GRIA3: variants seen among roughly 807,000 people sequenced by gnomAD.
GRIA3 encodes the protein glutamate receptor 3.
In GRIA3, 3 loss-of-function variants were observed where a neutral mutation model predicts 63.0. The ratio of observed to expected loss-of-function variants is 0.05; its 90% CI spans 0.02 to 0.12. The LOEUF (loss-of-function observed/expected upper bound fraction) is 0.12, where lower values mean the gene tolerates loss of function less well. GRIA3 is among the 10% of genes least tolerant of loss of function. The pLI, the probability that GRIA3 is intolerant of heterozygous loss-of-function variation, is 1.00. For synonymous variants in GRIA3, 274 were observed against 257.9 expected (o/e 1.06, Z -0.60); for missense variants, 347 against 700.9 (o/e 0.50, Z 5.70).
intron 5 of GRIA3, among the ~76,000 whole-genome samples, chrX:123,378,472 A>G (rs1185011920): frequency 9.5e-6 from 1 of 104,769 alleles, no homozygotes; most frequent in Non-Finnish European, 2.0e-5. Context: ...GTGCAGTGGC[A>G]TGATCTCAGC....
intron 12 of GRIA3, among the ~76,000 whole-genome samples, chrX:123,440,665 T>C (rs1258789476): frequency 8.9e-6 from 1 of 112,990 alleles, no homozygotes; most frequent in Non-Finnish European, 1.9e-5. Context: ...ATAAATTTGT[T>C]TAACTGCCTT....
chrX:123,191,373 A>C (rs1437769739), intron 2 of GRIA3, among the ~76,000 whole-genome samples: 2 of 111,769 alleles, frequency 1.8e-5, no homozygotes, highest in African/African-American at 6.5e-5. Context: ...CAGACACAAA[A>C]GGAATTCCCT....
chrX:123,327,080 C>T (rs1370311806), intron 4 of GRIA3, among the ~76,000 whole-genome samples: 1 of 110,579 alleles, frequency 9.0e-6, no homozygotes, highest in Non-Finnish European at 1.9e-5. Flanking sequence ...GCACGAGAAT[C>T]GCTTGAACCC....
At chrX:123,402,666 C>T (rs2045449473) in intron 7 of GRIA3, among the ~76,000 whole-genome samples, 1 of 111,057 alleles carries the variant, frequency 9.0e-6, no homozygotes, top group African/African-American at 3.3e-5. Flanking sequence ...ATACATTACC[C>T]TAGTTAAGGG....
intron 1 of GRIA3, 138 bp from the exon 2 acceptor site, chrX:123,185,694 C>A: frequency 1.9e-6 from 1 of 537,892 alleles, no homozygotes; most frequent in Non-Finnish European, 3.2e-6. Context: ...TCTTGAAAGA[C>A]ACACAGGTTG....
At chrX:123,314,141 T>G (rs913028465) in intron 3 of GRIA3, among the ~76,000 whole-genome samples, 1 of 112,184 alleles carries the variant, frequency 8.9e-6, no homozygotes, top group African/African-American at 3.2e-5. Context: ...CTAACATCCA[T>G]GTCACTCACT....
At chrX:123,402,071 A>G (rs186655151) in intron 7 of GRIA3, among the ~76,000 whole-genome samples, 76 of 111,394 alleles carry the variant, frequency 6.8e-4, no homozygotes, top group South Asian at 1.5e-3. Context: ...TGGCATCCCA[A>G]ACAAGTGTTC....
chrX:123,290,448 A>T (rs192470275), intron 3 of GRIA3, among the ~76,000 whole-genome samples: 2 of 111,191 alleles, frequency 1.8e-5, no homozygotes, highest in African/African-American at 6.5e-5. Context: ...AACACTATGG[A>T]GATATAGGTT....
At chrX:123,448,473 GA>G (rs2045714269) in intron 12 of GRIA3, among the ~76,000 whole-genome samples, 2 of 111,621 alleles carry the variant, frequency 1.8e-5, no homozygotes, top group South Asian at 7.6e-4. Flanking sequence ...GAGTAAACTA[GA>G]AAAATATTAT....
At chrX:123,235,414 G>A (rs1483572005) in intron 2 of GRIA3, among the ~76,000 whole-genome samples, 3 of 111,836 alleles carry the variant, frequency 2.7e-5, no homozygotes, top group Admixed American at 9.5e-5. Flanking sequence ...TTCCAAAGCT[G>A]CTCATGTTAA....
At chrX:123,357,787 A>G (rs2045143017) in intron 5 of GRIA3, among the ~76,000 whole-genome samples, 1 of 111,361 alleles carries the variant, frequency 9.0e-6, no homozygotes, top group Non-Finnish European at 1.9e-5. Context: ...TTAAAAATAA[A>G]GTAATGTATA....
chrX:123,460,688 G>A (rs1298774344), intron 12 of GRIA3, among the ~76,000 whole-genome samples: 1 of 111,794 alleles, frequency 8.9e-6, no homozygotes. Flanking sequence ...TGTTTAATTT[G>A]TTAAGCTTTA....
intron 4 of GRIA3, among the ~76,000 whole-genome samples, chrX:123,331,972 T>C (rs181794230): frequency 8.9e-5 from 10 of 111,785 alleles, no homozygotes; most frequent in South Asian, 3.8e-4. Context: ...CTGATAACCA[T>C]AGCTATTTGC....
chrX:123,452,316 T>C (rs756150936), intron 12 of GRIA3, among the ~76,000 whole-genome samples: 2 of 109,390 alleles, frequency 1.8e-5, no homozygotes, highest in East Asian at 5.8e-4. Context: ...GAACTTCTCT[T>C]CAGATTAGTT....
At chrX:123,436,286 G>A (rs758989479) in intron 12 of GRIA3, among the ~76,000 whole-genome samples, 21 of 110,789 alleles carry the variant, frequency 1.9e-4, no homozygotes, top group Non-Finnish European at 3.4e-4. Context: ...TTTCTTGATG[G>A]AAGAGATGTG....
intron 12 of GRIA3, among the ~76,000 whole-genome samples, chrX:123,461,135 G>C (rs2045790289): frequency 8.9e-6 from 1 of 112,228 alleles, no homozygotes; most frequent in African/African-American, 3.2e-5. Context: ...TGATATCTTT[G>C]ACCAGCAATC....
At chrX:123,356,421 C>T (rs1445722345) in intron 5 of GRIA3, among the ~76,000 whole-genome samples, 1 of 110,458 alleles carries the variant, frequency 9.1e-6, no homozygotes, top group African/African-American at 3.3e-5. Context: ...TTTAAAAATG[C>T]AGGGTTCACC....
intron 3 of GRIA3, among the ~76,000 whole-genome samples, chrX:123,282,820 C>A (rs1284592229): frequency 1.8e-5 from 2 of 112,502 alleles, no homozygotes; most frequent in Non-Finnish European, 3.8e-5. Context: ...GCAAGAGAAT[C>A]GCTTGTACCA....
intron 5 of GRIA3, among the ~76,000 whole-genome samples, chrX:123,390,750 C>G (rs998675643): frequency 9.0e-6 from 1 of 111,604 alleles, no homozygotes; most frequent in African/African-American, 3.3e-5. Flanking sequence ...TTTCTCTTCA[C>G]CTTCTGGGAC....
Sources: gnomAD v4.1 joint callset for allele counts (sites outside exome capture counted in the v4.1 genomes callset) on GRCh38, gnomAD v4.1.1 for gene constraint, MANE v1.5 for transcripts, NCBI Gene and HGNC (gene_info 2026-07-23, HGNC 2026-07-21) for gene names.